ZZEF1: variants seen among roughly 807,000 people sequenced by gnomAD.
ZZEF1 encodes the protein zinc finger ZZ-type and EF-hand domain-containing protein 1.
A neutral mutation model predicts 342.8 loss-of-function variants in ZZEF1; 157 were observed. The observed-to-expected ratio is 0.46, with a 90% CI of 0.40 to 0.52. The LOEUF (loss-of-function observed/expected upper bound fraction) is 0.52, where lower values mean the gene tolerates loss of function less well. Ranked by LOEUF, ZZEF1 falls within the 20% of genes least tolerant of loss-of-function variation. The pLI, the probability that ZZEF1 is intolerant of heterozygous loss-of-function variation, is 0.00. For missense variants in ZZEF1, 3,480 were observed against 3,725.6 expected (o/e 0.93, Z 1.72); for synonymous variants, 1,505 against 1,429.1 (o/e 1.05, Z -1.20).
At chr17:4,112,502 CG>C (rs2145490807) in intron 5 of ZZEF1, 106 bp downstream of exon 5, 1 of 1,098,258 alleles carries the variant, frequency 9.1e-7, no homozygotes, top group Admixed American at 2.0e-5. Context: ...CTTTTGTGTA[CG>C]TCCTAAGAAG....
chr17:4,101,802 G>GT (rs566876098), intron 9 of ZZEF1, among the ~76,000 whole-genome samples: 27 of 151,992 alleles, frequency 1.8e-4, no homozygotes, highest in South Asian at 8.3e-4. Flanking sequence ...AATTTTTGTA[G>GT]TTTTTTTATT....
At chr17:4,060,225 G>A (rs1009049312) in intron 30 of ZZEF1, among the ~76,000 whole-genome samples, 4 of 152,160 alleles carry the variant, frequency 2.6e-5, no homozygotes, top group African/African-American at 7.2e-5. Context: ...CCTCAAAATT[G>A]TCAGGCAATT....
At position 4,017,207 on chromosome 17, in the gene ZZEF1, T is replaced by C. The variant is rs185137231; in HGVS notation, c.8001+164A>G. 18 of 1,008,132 alleles carry C rather than the reference T, an allele frequency of 1.8e-5. No homozygotes were observed. Among genetic ancestry groups the C allele is most frequent in the Admixed American group, 5.9e-5 (2 of 33,876 alleles). 62.4% of individuals were successfully genotyped at this position (1,008,132 alleles called of 1,614,324 possible). A position where few individuals can be genotyped will look rare whatever the true frequency, so the allele number is the denominator to read the frequency against. On this transcript the variant is annotated intron_variant, in intron 48 of 54. Coordinates refer to ENST00000381638, the MANE Select transcript of ZZEF1 (RefSeq NM_015113.4). This position sits in a 1 kb window ranked among gnomAD's most constrained non-coding sequence, Gnocchi z 5.1. Reference sequence around the variant, plus strand: ...GCCCCTGAGTTCCTCACTAGCCCAATCCTTGGGAGAGGATACAGTGACCCT... The same window carrying C: ...GCCCCTGAGTTCCTCACTAGCCCAACCCTTGGGAGAGGATACAGTGACCCT...
chr17:4,034,118 A>G lies in ZZEF1; in HGVS notation c.6481T>C (p.Ser2161Pro). 1 of 1,614,186 alleles carries G rather than the reference A, an allele frequency of 6.2e-7. No individual in the cohort carries two copies. The highest frequency in any genetic ancestry group is 1.1e-5 in the South Asian group (1 of 91,084). ...EVDAAVIKVL[S>P]AKHNLFAAGD... ...GCAGCAAACAGGTTGTGTTTGGCTGAGAGGACTTTGATCACTGCGGCGTCT... is the reference window on the plus strand; with the variant it reads ...GCAGCAAACAGGTTGTGTTTGGCTGGGAGGACTTTGATCACTGCGGCGTCT... The change falls in exon 40 of 55, where the codon TCA becomes CCA. Residue 2161 changes from serine to proline, a missense_variant. By Grantham distance (74) the Ser-to-Pro change is moderately conservative (BLOSUM62 -1). Coordinates refer to ENST00000381638, the MANE Select transcript of ZZEF1 (RefSeq NM_015113.4).
intron 34 of ZZEF1, 114 bp downstream of exon 34, chr17:4,053,943 A>G (rs1484247875): frequency 8.3e-7 from 1 of 1,207,422 alleles, no homozygotes; most frequent in African/African-American, 1.5e-5. Context: ...CAGAGAAAAT[A>G]CCACTGGGCA....
chr17:4,050,811 C>A lies in ZZEF1; in HGVS notation c.5833G>T (p.Asp1945Tyr), dbSNP rs536298942. 17 of 1,614,102 alleles carry A rather than the reference C, an allele frequency of 1.1e-5. No homozygotes were observed. In the African/African-American group the frequency reaches 2.1e-4, roughly 20 times the overall value. The stretch of plus-strand genomic sequence containing the variant: ...CCCTGATGAGCCTTCATCAGACAGT[C>A]CCCGACGAGCTGCATGCACTGGCTC... Reference protein sequence around the residue: ...LRSQCMQLVGDCLMKAHQGKG... With the variant: ...LRSQCMQLVGYCLMKAHQGKG... Residue 1945 changes from aspartate to tyrosine, a missense_variant, in exon 36 of 55, where the codon GAC becomes TAC. Coordinates refer to ENST00000381638, the MANE Select transcript of ZZEF1 (RefSeq NM_015113.4).
At chr17:4,109,577 T>A in intron 6 of ZZEF1, 76 bp downstream of exon 6, 2 of 1,492,912 alleles carry the variant, frequency 1.3e-6, no homozygotes, top group Non-Finnish European at 1.9e-6. Flanking sequence ...GGAAGGCTGC[T>A]CAGTGATACG....
Position 4,017,778 on chromosome 17 carries a change from G to T in ZZEF1, c.7642-48C>A. ...ACAGAGGTCTAGCCTTCTTACAGTG[G>T]TGGTATGGGGTGGGGGATGGGGTGC... On this transcript the variant is annotated intron_variant, in intron 47 of 54. Coordinates refer to ENST00000381638, the MANE Select transcript of ZZEF1 (RefSeq NM_015113.4). The surrounding 1 kb of genome is among the most constrained non-coding windows in gnomAD (Gnocchi z 5.1). The T allele has an allele frequency of 6.2e-7, 1 of 1,613,442 alleles. No individual in the cohort carries two copies. The highest frequency in any genetic ancestry group is 8.5e-7 in the Non-Finnish European group (1 of 1,179,770).
intron 8 of ZZEF1, among the ~76,000 whole-genome samples, chr17:4,103,377 T>TAA (rs142957428): frequency 1.5e-4 from 22 of 146,292 alleles, no homozygotes; most frequent in East Asian, 4.0e-4. Context: ...AGCTCATTTC[T>TAA]AAAAAAAAAA....
chr17:4,015,712 C>T (rs954916152), intron 49 of ZZEF1, among the ~76,000 whole-genome samples: 18 of 151,746 alleles, frequency 1.2e-4, no homozygotes, highest in Non-Finnish European at 2.2e-4. Flanking sequence ...TGCAGTGAGC[C>T]GAGATCACAC....
At position 4,109,766 on chromosome 17, in the gene ZZEF1, C is replaced by T. The variant is rs543467095; in HGVS notation, c.1164G>A (p.Gly388=). 194 of 1,614,104 alleles carry T rather than the reference C, an allele frequency of 1.2e-4. 1 individual carries two copies. The South Asian group carries it at 1.4e-3, about 11-fold the overall frequency. ...AVGFQRVKKS[G]VSVSDASAIW... is the part of the protein sequence containing the mutation. Reference sequence around the variant, plus strand: ...TTGCAGAAGCATCTGAGACTGAGACCCCAGACTTCTTAACTCTCTGAAAGC... The same window carrying T: ...TTGCAGAAGCATCTGAGACTGAGACTCCAGACTTCTTAACTCTCTGAAAGC... Residue 388 remains glycine, a synonymous_variant, in exon 6 of 55, where the codon GGG becomes GGA. Coordinates refer to ENST00000381638, the MANE Select transcript of ZZEF1 (RefSeq NM_015113.4).
intron 1 of ZZEF1, among the ~76,000 whole-genome samples, chr17:4,135,070 T>A (rs1220538170): frequency 2.6e-5 from 4 of 151,996 alleles, no homozygotes; most frequent in African/African-American, 9.7e-5. Flanking sequence ...AGAGCTCAGA[T>A]ATTACAGTAA....
intron 30 of ZZEF1, among the ~76,000 whole-genome samples, chr17:4,061,839 C>T (rs534620531): frequency 1.3e-5 from 2 of 152,214 alleles, no homozygotes; most frequent in Admixed American, 6.5e-5. Flanking sequence ...ATCAAACCAC[C>T]ATCATTTCTT....
chr17:4,097,182 A>G (rs1360671211), intron 9 of ZZEF1, among the ~76,000 whole-genome samples: 1 of 151,310 alleles, frequency 6.6e-6, no homozygotes, highest in Non-Finnish European at 1.5e-5. Context: ...AATGGCGTGA[A>G]CCCGGGAGGC....
At chr17:4,132,835 G>A (rs375681340) in intron 1 of ZZEF1, among the ~76,000 whole-genome samples, 5 of 151,246 alleles carry the variant, frequency 3.3e-5, no homozygotes, top group African/African-American at 7.2e-5. Flanking sequence ...GTGTGGTGGC[G>A]GGCGCCTGTA....
rs939790592 is a variant in ZZEF1 at position 4,017,282 on chromosome 17, G to C, written c.8001+89C>G. On this transcript the variant is annotated intron_variant, in intron 48 of 54. Transcript: ENST00000381638. The surrounding 1 kb of genome is among the most constrained non-coding windows in gnomAD (Gnocchi z 5.1). ...AGGGAGCTGCACAGCCACACAGGTA[G>C]CCTCGCTCCAGGAAGCACTCACTGG... 4 of 1,509,908 alleles carry C rather than the reference G, an allele frequency of 2.6e-6. No homozygotes were observed. The highest frequency in any genetic ancestry group is 3.9e-5 in the Admixed American group (2 of 51,542). The allele number at this position is 1,509,908 out of a possible 1,614,324, so 93.5% of individuals were successfully genotyped here.
Position 4,034,082 on chromosome 17 carries a change from A to C in ZZEF1, c.6517T>G (p.Ser2173Ala), listed in dbSNP as rs752713968. The C allele has an allele frequency of 6.2e-7, 1 of 1,614,184 alleles. No homozygotes were observed. Among genetic ancestry groups the C allele is most frequent in the Admixed American group, 1.7e-5 (1 of 60,020 alleles). ...KHNLFAAGDS[S>A]IVPDGWKTTH... is the part of the protein sequence containing the mutation. ...GTTTTCCAGCCATCTGGCACAATGG[A>C]ACTGTCCCCTGCAGCAAACAGGTTG... Residue 2173 changes from serine (S) to alanine (A), a missense_variant, in exon 40 of 55, where the codon TCC (serine) becomes GCC (alanine). Ser to Ala is a moderately conservative substitution (Grantham distance 99). Around this residue, in one of 5 missense-constraint regions of ZZEF1, gnomAD observed 1,269 missense variants for 1,342.4 expected, o/e 0.95. Coordinates refer to ENST00000381638, the MANE Select transcript of ZZEF1 (RefSeq NM_015113.4).
chr17:4,121,994 G>A (rs2058491251), intron 2 of ZZEF1, among the ~76,000 whole-genome samples: 1 of 152,094 alleles, frequency 6.6e-6, no homozygotes, highest in Non-Finnish European at 1.5e-5. Flanking sequence ...TGAGATTACA[G>A]GCATGAGCCA....
rs78109419 is a variant in ZZEF1 at position 4,087,729 on chromosome 17, T to C, written c.2242-195A>G. Among the ~76,000 whole-genome samples the C allele has an allele frequency of 4.8e-3, 726 of 152,142 alleles. 5 individuals carry two copies. Among genetic ancestry groups the C allele is most frequent in the African/African-American group, 0.017 (705 of 41,460 alleles). On this transcript the variant is annotated intron_variant, in intron 13 of 54. Coordinates refer to ENST00000381638, the MANE Select transcript of ZZEF1 (RefSeq NM_015113.4). Reference sequence around the variant, plus strand: ...TTTTGGTTTGAAACTTTCTAAAATATATGTGTGTGTTATATGTATGTATGT... The same window carrying C: ...TTTTGGTTTGAAACTTTCTAAAATACATGTGTGTGTTATATGTATGTATGT...
Sources: gnomAD v4.1 joint callset for allele counts (sites outside exome capture counted in the v4.1 genomes callset) on GRCh38, gnomAD v4.1.1 for gene constraint, gnomAD v4.1.1 regional missense constraint, Gnocchi (gnomAD v3.1) non-coding constraint, MANE v1.5 for transcripts, NCBI Gene and HGNC (gene_info 2026-07-23, HGNC 2026-07-21) for gene names.